SEMA6C: variants seen among roughly 807,000 people sequenced by gnomAD.
SEMA6C encodes the protein semaphorin-6C.
Under a neutral mutation model 72.9 loss-of-function variants are expected in SEMA6C, and 37 were observed. That is an observed-to-expected ratio of 0.51 (90% CI 0.39 to 0.67). The LOEUF (loss-of-function observed/expected upper bound fraction) is 0.67. Among genes scored for constraint, SEMA6C ranks in the 30% least tolerant of loss-of-function variants. The pLI is 0.00. For missense variants in SEMA6C, 1,189 were observed against 1,263.6 expected, an observed-to-expected ratio of 0.94 and a Z score of 0.89; for synonymous variants, 578 against 554.1, an observed-to-expected ratio of 1.04 and a Z score of -0.61.
intron 18 of SEMA6C, chr1:151,134,122 G>T: frequency 8.3e-7 from 1 of 1,207,052 alleles, no homozygotes; most frequent in Non-Finnish European, 1.1e-6. Context: ...CCTTCCAGGG[G>T]TCCTTCCTCC....
Position 151,136,573 on chromosome 1 carries a change from A to G in SEMA6C, c.981T>C (p.Pro327=). The change falls in exon 12 of 19, where the codon CCT becomes CCC. Residue 327 remains proline (P), a synonymous_variant. Transcript: ENST00000368914. ...GGTAGAAGGCGCAGACGGCAGAGCC[A>G]GGGATGCTGGAGGAGCCAGAAAAGA... ...GVFTTQTNSI[P]GSAVCAFYLD... The G allele has an allele frequency of 1.5e-5, 25 of 1,614,054 alleles. No homozygotes were observed. The highest frequency in any genetic ancestry group is 2.1e-5 in the Non-Finnish European group (25 of 1,179,994).
Position 151,136,966 on chromosome 1 carries a change from CAGAGCAG to C in SEMA6C, c.858_864del (p.Asn286LysfsTer16). 6.2e-7 allele frequency: 1 copy of C among 1,614,158 alleles called. No homozygotes were observed. Among genetic ancestry groups the C allele is most frequent in the Middle Eastern group, 1.7e-4 (1 of 6,050 alleles). The stretch of plus-strand genomic sequence containing the variant: ...AAATAGAAAGTAGAGTCCCCAGGGA[CAGAGCAG>C]TTGAGCCGAAGCTTCAGGAAGGATG... On this transcript the variant is annotated frameshift_variant, in exon 11 of 19. Transcript: ENST00000368914. LOFTEE classifies it high-confidence loss of function.
In SEMA6C at chr1:151,134,293, T is replaced by C. The variant is rs898461191; in HGVS notation, c.1759+108A>G. Reference sequence around the variant, plus strand: ...GGTATCTGGAGGATGCCGACCCTTTTCCGATACTCCCAGGGTATTCAGAAT... The same window carrying C: ...GGTATCTGGAGGATGCCGACCCTTTCCCGATACTCCCAGGGTATTCAGAAT... On this transcript the variant is annotated intron_variant, in intron 18 of 18. Transcript: ENST00000368914. The C allele has an allele frequency of 1.7e-5, 19 of 1,135,804 alleles. No homozygotes were observed. The African/African-American group carries it at 2.6e-4, about 16-fold the overall frequency. The allele number at this position is 1,135,804 out of a possible 1,614,324, so 70.4% of individuals were successfully genotyped here.
At chr1:151,138,196 GC>G in intron 8 of SEMA6C, 91 bp from the exon 9 acceptor site, 1 of 1,586,762 alleles carries the variant, frequency 6.3e-7, no homozygotes, top group South Asian at 1.2e-5. Context: ...CCTAGGCCTG[GC>G]CCTGGTCCCT....
At position 151,139,986 on chromosome 1, in the gene SEMA6C, C is replaced by A; in HGVS notation, c.223G>T (p.Val75Leu). Residue 75 changes from valine (V) to leucine (L), a missense_variant, in exon 4 of 19, where the codon GTG becomes TTG. Val to Leu is a conservative substitution (Grantham distance 32). This residue lies in a region of SEMA6C where 468 missense variants were observed against 577.4 expected (regional missense o/e 0.81). Transcript: ENST00000368914. Reference sequence around the variant, plus strand: ...CCACGGCCAGTTTACCGGGCAGCCACTAGCAAGGTCCGGTTCAAGGTCAGG... The same window carrying A: ...CCACGGCCAGTTTACCGGGCAGCCAATAGCAAGGTCCGGTTCAAGGTCAGG... The part of the protein sequence containing the change: ...RFLTLNRTLL[V>L]AARDHVFSFD... The A allele has an allele frequency of 6.2e-7, 1 of 1,614,090 alleles. No homozygotes were observed. Among genetic ancestry groups the A allele is most frequent in the Non-Finnish European group, 8.5e-7 (1 of 1,179,974 alleles).
In SEMA6C at chr1:151,145,270, C is replaced by T. The variant is rs1032388669; in HGVS notation, c.-104-836G>A. The T allele has an allele frequency of 2.6e-5, 4 of 152,336 alleles. No individual in the cohort carries two copies. Among genetic ancestry groups the T allele is most frequent in the African/African-American group, 9.6e-5 (4 of 41,460 alleles). 9.4% of individuals were successfully genotyped at this position (152,336 alleles called of 1,614,324 possible). Reference sequence around the variant, plus strand: ...TCTGGGGAATGGCTGGGGTCACAGCCAGAGTCTAGGAGAGCTGTGGAAGGG... The same window carrying T: ...TCTGGGGAATGGCTGGGGTCACAGCTAGAGTCTAGGAGAGCTGTGGAAGGG... On this transcript the variant is annotated intron_variant, in intron 1 of 18. Transcript: ENST00000368914. The surrounding 1 kb of genome is among the most constrained non-coding windows in gnomAD (Gnocchi z 4.4).
chr1:151,137,660 C>T, intron 10 of SEMA6C, 51 bp downstream of exon 10: 2 of 1,474,396 alleles, frequency 1.4e-6, no homozygotes, highest in Non-Finnish European at 1.9e-6. Flanking sequence ...ACTGGCTCCT[C>T]AGGATCCAGC....
chr1:151,133,416 A>G lies in SEMA6C; in HGVS notation c.1861T>C (p.Ser621Pro). 6.3e-7 allele frequency: 1 copy of G among 1,593,446 alleles called. No individual in the cohort carries two copies. The highest frequency in any genetic ancestry group is 8.5e-7 in the Non-Finnish European group (1 of 1,173,290). Residue 621 changes from serine (S) to proline (P), a missense_variant, in exon 19 of 19, where the codon TCT becomes CCT. Ser to Pro is a moderately conservative substitution (Grantham distance 74). Coordinates refer to ENST00000368914, the MANE Select transcript of SEMA6C (RefSeq NM_030913.6). The surrounding 1 kb of genome is among the most constrained non-coding windows in gnomAD (Gnocchi z 5.9). The stretch of plus-strand genomic sequence containing the variant: ...CAAGCACAGGAGACCAGGAGGCCAG[A>G]GACTGAGGCGCCCAGGGCAAAAGCT... ...AAAFALGASV[S>P]GLLVSCACRR...
intron 7 of SEMA6C, 78 bp downstream of exon 7, chr1:151,138,552 G>C: frequency 6.7e-7 from 1 of 1,493,052 alleles, no homozygotes; most frequent in Non-Finnish European, 9.3e-7. Context: ...CGCAGTCCTT[G>C]GTCCTTTCCC....
At position 151,136,484 on chromosome 1, in the gene SEMA6C, C is replaced by A; in HGVS notation, c.1070G>T (p.Trp357Leu). The A allele has an allele frequency of 1.9e-6, 3 of 1,614,080 alleles. No homozygotes were observed. Among genetic ancestry groups the A allele is most frequent in the Non-Finnish European group, 2.5e-6 (3 of 1,180,018 alleles). The change falls in exon 12 of 19, where the codon TGG becomes TTG. Residue 357 changes from tryptophan to leucine, a missense_variant. By Grantham distance (61) the Trp-to-Leu change is moderately conservative (BLOSUM62 -2). This residue lies in a region of SEMA6C where 468 missense variants were observed against 577.4 expected (regional missense o/e 0.81). Transcript: ENST00000368914. ...FKEQRSLDGA[W>L]TPVSEDRVPS... ...AACTCTGTCCTCAGACACAGGAGTC[C>A]AGGCCCCATCCAGACTCCTCTGCTC...
chr1:151,131,792 C>CT lies in SEMA6C; in HGVS notation c.*691dup, dbSNP rs1681554807. ...AGACTAGGCCTTTAAGAAAGTCCCT[C>CT]TTACCTCGATCTGGAAACGAGCTCC... On this transcript the variant is annotated 3_prime_UTR_variant, in exon 19 of 19. Transcript: ENST00000368914. 6.1e-6 allele frequency: 1 copy of CT among 164,394 alleles called. No individual in the cohort carries two copies. Among genetic ancestry groups the CT allele is most frequent in the Admixed American group, 5.7e-5 (1 of 17,410 alleles). 10.2% of individuals were successfully genotyped at this position (164,394 alleles called of 1,614,324 possible).
rs1372691311 is a variant in SEMA6C at position 151,139,659 on chromosome 1, C to T, written c.276G>A (p.Gly92=). ...FSFDLQAEEE[G]EGLVPNKYLT... ...TCACCTTGTTGGGCACCAGCCCCTCCCCTTCTTCTTCGGCTTGAAGATCGA... is the reference window on the plus strand; with the variant it reads ...TCACCTTGTTGGGCACCAGCCCCTCTCCTTCTTCTTCGGCTTGAAGATCGA... Residue 92 remains glycine (G), a synonymous_variant, in exon 5 of 19, where the codon GGG becomes GGA. Coordinates refer to ENST00000368914, the MANE Select transcript of SEMA6C (RefSeq NM_030913.6). 1 of 1,607,470 alleles carries T rather than the reference C, an allele frequency of 6.2e-7. No homozygotes were observed. Among genetic ancestry groups the T allele is most frequent in the Non-Finnish European group, 8.5e-7 (1 of 1,174,978 alleles).
intron 15 of SEMA6C, 45 bp downstream of exon 15, chr1:151,135,118 C>A: frequency 6.2e-7 from 1 of 1,603,138 alleles, no homozygotes; most frequent in South Asian, 1.1e-5. Context: ...TCTTGCTGGC[C>A]CGGGGAGCTT....
chr1:151,140,930 G>A (rs587694507), intron 3 of SEMA6C, among the ~76,000 whole-genome samples: 6 of 152,076 alleles, frequency 3.9e-5, no homozygotes, highest in South Asian at 2.1e-4. Context: ...CCCAGGAGGC[G>A]GAGCTTGCAG....
Position 151,132,178 on chromosome 1 carries a change from G to A in SEMA6C, c.*306C>T. 7.0e-7 allele frequency: 1 copy of A among 1,430,822 alleles called. No homozygotes were observed. Among genetic ancestry groups the A allele is most frequent in the Non-Finnish European group, 9.2e-7 (1 of 1,081,580 alleles). The allele number at this position is 1,430,822 out of a possible 1,614,324, so 88.6% of individuals were successfully genotyped here. A position where few individuals can be genotyped will look rare whatever the true frequency, so the allele number is the denominator to read the frequency against. ...GGCCCGCCCGGGGCACAGTCTCTGG[G>A]GGAGCCCCGAGGGGCGAGTTAAGGC... On this transcript the variant is annotated 3_prime_UTR_variant, in exon 19 of 19. Transcript: ENST00000368914.
intron 11 of SEMA6C, 52 bp from the exon 12 acceptor site, chr1:151,136,631 T>G: frequency 1.2e-6 from 2 of 1,606,000 alleles, no homozygotes; most frequent in Non-Finnish European, 1.7e-6. Flanking sequence ...ACTGCACAAC[T>G]TCCCCCAGGA....
At chr1:151,134,139 T>TTCCACAGGAG in intron 18 of SEMA6C, 2 of 1,040,682 alleles carry the variant, frequency 1.9e-6, no homozygotes, top group Non-Finnish European at 2.8e-6. Context: ...CTCCCTCCTG[T>TTCCACAGGAG]GGAACCCAGG....
At chr1:151,137,641 C>G in intron 10 of SEMA6C, 70 bp downstream of exon 10, 1 of 1,257,444 alleles carries the variant, frequency 8.0e-7, no homozygotes, top group Non-Finnish European at 1.1e-6. Context: ...GAGATCTCCT[C>G]CCACTCAGAC....
chr1:151,139,682 C>G lies in SEMA6C; in HGVS notation c.253G>C (p.Asp85His). Residue 85 changes from aspartate to histidine, a missense_variant, in exon 5 of 19, where the codon GAT becomes CAT. Around this residue, in one of 2 missense-constraint regions of SEMA6C, gnomAD observed 468 missense variants for 577.4 expected, o/e 0.81. Transcript: ENST00000368914. ...VAARDHVFSF[D>H]LQAEEEGEGL... ...TCCCCTTCTTCTTCGGCTTGAAGAT[C>G]GAAGGAGAAAACGTGATCCCTGAGG... 1 of 1,605,018 alleles carries G rather than the reference C, an allele frequency of 6.2e-7. No individual in the cohort carries two copies.
Sources: gnomAD v4.1 joint callset for allele counts (sites outside exome capture counted in the v4.1 genomes callset) on GRCh38, gnomAD v4.1.1 for gene constraint, gnomAD v4.1.1 regional missense constraint, Gnocchi (gnomAD v3.1) non-coding constraint, MANE v1.5 for transcripts, NCBI Gene and HGNC (gene_info 2026-07-23, HGNC 2026-07-21) for gene names.